Variants in DDHD1 observed in about 807,000 individuals in gnomAD.
DDHD1 encodes DDHD domain containing 1.
DDHD1 carries 49 observed loss-of-function variants against 96.4 expected under a neutral mutation model. That is an observed-to-expected ratio of 0.51 (90% CI 0.40 to 0.64). DDHD1 has a LOEUF of 0.64. DDHD1 is among the 30% of genes least tolerant of loss of function. The pLI, the probability that DDHD1 is intolerant of heterozygous loss-of-function variation, is 0.00. For missense variants in DDHD1, 1,106 were observed against 1,161.2 expected (o/e 0.95, Z 0.69); for synonymous variants, 442 against 446.5 (o/e 0.99, Z 0.13).
chr14:53,122,999 A>G (rs969528207), intron 1 of DDHD1, among the ~76,000 whole-genome samples: 2 of 151,994 alleles, frequency 1.3e-5, no homozygotes, highest in African/African-American at 4.8e-5. Context: ...ATATGCTCAG[A>G]TTCACCGGTA....
intron 7 of DDHD1, chr14:53,061,412 A>G (rs1215909047): frequency 2.4e-6 from 1 of 423,306 alleles, no homozygotes; most frequent in South Asian, 5.6e-5. Context: ...GCTAGTTGTC[A>G]TGATACCTGC....
chr14:53,109,445 C>T (rs141592338), intron 1 of DDHD1, among the ~76,000 whole-genome samples: 92 of 151,470 alleles, frequency 6.1e-4, no homozygotes, highest in African/African-American at 2.1e-3. Context: ...CCCAGCTCTT[C>T]CCACTCACAG....
rs752148702 is a variant in DDHD1, at chr14:53,061,174, G to A, written c.1794C>T (p.His598=). 1.9e-5 allele frequency: 30 copies of A among 1,611,018 alleles called. No homozygotes were observed. The highest frequency in any genetic ancestry group is 3.3e-4 in the Middle Eastern group (2 of 6,068). ...RRLKEIEERL[H]GLKASSMTQT... is the part of the protein sequence containing the mutation. ...GTGTCATAGATGATGCTTTCAATCCGTGAAGCCGTTCTTCTATTTCCTTCA... is the reference window on the plus strand; with the variant it reads ...GTGTCATAGATGATGCTTTCAATCCATGAAGCCGTTCTTCTATTTCCTTCA... Residue 598 remains histidine, a synonymous_variant, in exon 8 of 13, where the codon CAC becomes CAT. Transcript: ENST00000673822.
At chr14:53,142,572 G>C (rs1890713831) in intron 1 of DDHD1, among the ~76,000 whole-genome samples, 1 of 152,222 alleles carries the variant, frequency 6.6e-6, no homozygotes, top group African/African-American at 2.4e-5. Context: ...GTAGCTGGGA[G>C]AGTCGTCTAA....
intron 2 of DDHD1, 59 bp from the exon 3 acceptor site, chr14:53,093,503 A>G: frequency 6.3e-7 from 1 of 1,581,310 alleles, no homozygotes; most frequent in Middle Eastern, 1.8e-4. Context: ...ATTTGTTTGA[A>G]GAATTATAAC....
At chr14:53,114,087 T>C (rs1888352567) in intron 1 of DDHD1, among the ~76,000 whole-genome samples, 1 of 152,162 alleles carries the variant, frequency 6.6e-6, no homozygotes, top group African/African-American at 2.4e-5. Flanking sequence ...CCCCTGACAG[T>C]GCTAAGGTGC....
intron 1 of DDHD1, among the ~76,000 whole-genome samples, chr14:53,120,009 A>T (rs1888860746): frequency 6.6e-6 from 1 of 152,198 alleles, no homozygotes; most frequent in African/African-American, 2.4e-5. Context: ...GAGGAAATCA[A>T]ATTGTCTCTG....
In DDHD1 at chr14:53,153,304, C is replaced by G; in HGVS notation, c.-206G>C. Reference sequence around the variant, plus strand: ...CGTTCTGCCGCCGGCCCCATTGTCACGCAGCCCGACGTAGGCGGTGCTTCG... The same window carrying G: ...CGTTCTGCCGCCGGCCCCATTGTCAGGCAGCCCGACGTAGGCGGTGCTTCG... On this transcript the variant is annotated 5_prime_UTR_variant, in exon 1 of 13. Transcript: ENST00000673822. 2.5e-6 allele frequency: 1 copy of G among 405,802 alleles called. No homozygotes were observed. Among genetic ancestry groups the G allele is most frequent in the Admixed American group, 4.6e-5 (1 of 21,824 alleles). 25.1% of individuals were successfully genotyped at this position (405,802 alleles called of 1,614,324 possible).
At position 53,076,942 on chromosome 14, in the gene DDHD1, T is replaced by C. The variant is rs142760934; in HGVS notation, c.1290-3095A>G. On this transcript the variant is annotated intron_variant, in intron 4 of 12. Transcript: ENST00000673822. ...GTGTCGTGTAAACATAACTTTTATA[T>C]GCACTGAGAAGCCAATTTGTGCAAC... Among the ~76,000 whole-genome samples, 499 of 152,338 alleles carry C rather than the reference T, an allele frequency of 3.3e-3. 1 individual carries two copies. Among genetic ancestry groups the C allele is most frequent in the Admixed American group, 4.0e-3 (61 of 15,292 alleles).
intron 1 of DDHD1, among the ~76,000 whole-genome samples, chr14:53,111,042 T>G (rs555275567): frequency 3.2e-4 from 48 of 152,332 alleles, no homozygotes; most frequent in Middle Eastern, 3.4e-3. Context: ...GAACGGTCTT[T>G]ATTGAAATCA....
chr14:53,096,117 C>T, intron 2 of DDHD1: 1 of 982,144 alleles, frequency 1.0e-6, no homozygotes, highest in South Asian at 4.7e-5. Context: ...ATTACTGTAC[C>T]TTGGGAATGC....
chr14:53,057,744 TA>T (rs1883184382), intron 9 of DDHD1, among the ~76,000 whole-genome samples: 2 of 152,232 alleles, frequency 1.3e-5, no homozygotes, highest in Admixed American at 1.3e-4. Flanking sequence ...AGACCATCTC[TA>T]AGGTACTTTA....
At chr14:53,100,521 C>T (rs1887221927) in intron 2 of DDHD1, among the ~76,000 whole-genome samples, 1 of 151,964 alleles carries the variant, frequency 6.6e-6, no homozygotes, top group African/African-American at 2.4e-5. Flanking sequence ...ATGCAAATAC[C>T]ACTCCATTTT....
chr14:53,139,245 G>C (rs1890464488), intron 1 of DDHD1, among the ~76,000 whole-genome samples: 1 of 152,040 alleles, frequency 6.6e-6, no homozygotes, highest in South Asian at 2.1e-4. Context: ...CTAAGAATAA[G>C]GCAGAACCAG....
intron 4 of DDHD1, among the ~76,000 whole-genome samples, chr14:53,085,420 T>C (rs1286614264): frequency 6.6e-6 from 1 of 152,136 alleles, no homozygotes. Context: ...GAGACGAAGC[T>C]TCCAGAGGAA....
chr14:53,080,576 A>T (rs1382125506), intron 4 of DDHD1, among the ~76,000 whole-genome samples: 2 of 151,920 alleles, frequency 1.3e-5, no homozygotes, highest in Non-Finnish European at 2.9e-5. Flanking sequence ...TTCCTAGACA[A>T]TATATTTATC....
At chr14:53,106,350 T>C (rs1024793247) in intron 1 of DDHD1, among the ~76,000 whole-genome samples, 3 of 152,172 alleles carry the variant, frequency 2.0e-5, no homozygotes, top group African/African-American at 4.8e-5. Flanking sequence ...GGTGCTCTAC[T>C]GTAGCCTTCC....
intron 4 of DDHD1, among the ~76,000 whole-genome samples, chr14:53,076,871 T>C (rs781087059): frequency 2.0e-5 from 3 of 152,186 alleles, no homozygotes; most frequent in Non-Finnish European, 2.9e-5. Flanking sequence ...AATTAAGATA[T>C]GTACACGATT....
At chr14:53,130,857 T>C (rs1005039348) in intron 1 of DDHD1, among the ~76,000 whole-genome samples, 1 of 152,240 alleles carries the variant, frequency 6.6e-6, no homozygotes, top group African/African-American at 2.4e-5. Flanking sequence ...CTTAGCTTAG[T>C]GGCTGAAATC....
Sources: gnomAD v4.1 joint callset for allele counts (sites outside exome capture counted in the v4.1 genomes callset) on GRCh38, gnomAD v4.1.1 for gene constraint, MANE v1.5 for transcripts, NCBI Gene and HGNC (gene_info 2026-07-23, HGNC 2026-07-21) for gene names.